DHRSX: variants seen among roughly 807,000 people sequenced by gnomAD.
The protein encoded by DHRSX is polyprenol dehydrogenase.
Under a neutral mutation model 34.0 loss-of-function variants are expected in DHRSX, and 31 were observed. That is an observed-to-expected ratio of 0.91 (90% CI 0.69 to 1.23). DHRSX has a LOEUF of 1.23. Among genes scored for constraint, DHRSX ranks in the 50% most tolerant of loss-of-function variants. The pLI is 0.00. For missense variants in DHRSX, 414 were observed against 428.1 expected (o/e 0.97, Z 0.29); for synonymous variants, 201 against 183.8 (o/e 1.09, Z -0.76).
chrX:2,298,985 C>CAAAAAAAAA (rs1162323678), intron 3 of DHRSX, among the ~76,000 whole-genome samples: 3 of 88,536 alleles, frequency 3.4e-5, no homozygotes, highest in Admixed American at 1.3e-4. Context: ...AACTCTGTCT[C>CAAAAAAAAA]AAAAAAAAAA....
intron 3 of DHRSX, among the ~76,000 whole-genome samples, chrX:2,331,303 C>T (rs945052563): frequency 2.6e-5 from 4 of 152,034 alleles, no homozygotes; most frequent in Non-Finnish European, 5.9e-5. Flanking sequence ...TGAACCCCCT[C>T]AATGTCATTC....
At chrX:2,406,955 T>C (rs1410155720) in intron 3 of DHRSX, among the ~76,000 whole-genome samples, 1 of 152,198 alleles carries the variant, frequency 6.6e-6, no homozygotes, top group Non-Finnish European at 1.5e-5. Flanking sequence ...ATCAAAGAGA[T>C]GCCTGCATTC....
At chrX:2,454,667 C>T (rs1421910659) in intron 1 of DHRSX, among the ~76,000 whole-genome samples, 1 of 152,050 alleles carries the variant, frequency 6.6e-6, no homozygotes, top group African/African-American at 2.4e-5. Context: ...GGAATGACTC[C>T]ACGGTTTCCC....
Position 2,488,743 on chromosome X carries a change from G to A in DHRSX, c.109+12074C>T, listed in dbSNP as rs756503818. 74 of 1,613,752 alleles carry A rather than the reference G, an allele frequency of 4.6e-5. No homozygotes were observed. The East Asian group carries it at 8.5e-4, about 18-fold the overall frequency. ...CCCACTCCCCCTCGTCCTGGTCCTC[G>A]GGTTCCGCCTCTGCCCCACTCCGGG... is the stretch of plus-strand genomic sequence containing the variant. On this transcript the variant is annotated intron_variant, in intron 1 of 6. Coordinates refer to ENST00000334651, the MANE Select transcript of DHRSX (RefSeq NM_145177.3).
At chrX:2,381,797 C>CA (rs767319246) in intron 3 of DHRSX, among the ~76,000 whole-genome samples, 23,574 of 80,524 alleles carry the variant, frequency 0.29, 2,851 homozygotes, top group Admixed American at 0.36. Context: ...AAGCCACAAC[C>CA]AAAAAAAAAA....
chrX:2,293,999 G>GA (rs2041898376), intron 3 of DHRSX, among the ~76,000 whole-genome samples: 1 of 152,006 alleles, frequency 6.6e-6, no homozygotes, highest in Non-Finnish European at 1.5e-5. Flanking sequence ...CCATCAGAGA[G>GA]AGAGAAGAGA....
At chrX:2,438,553 C>A (rs2044024491) in intron 1 of DHRSX, among the ~76,000 whole-genome samples, 2 of 151,314 alleles carry the variant, frequency 1.3e-5, no homozygotes. Flanking sequence ...CGCCTGTAAT[C>A]CTGCCTCAGG....
intron 3 of DHRSX, among the ~76,000 whole-genome samples, chrX:2,399,735 AAAAAAAAC>A (rs1390285019): frequency 3.5e-5 from 5 of 142,446 alleles, no homozygotes; most frequent in African/African-American, 8.0e-5. Context: ...CAAAAAAAAA[AAAAAAAAC>A]AAAAAAACAC....
chrX:2,432,925 C>A (rs969582058), intron 1 of DHRSX, among the ~76,000 whole-genome samples: 2 of 152,030 alleles, frequency 1.3e-5, no homozygotes, highest in Admixed American at 6.6e-5. Context: ...AAGCTCAGGA[C>A]CAGCCTGGGA....
intron 1 of DHRSX, among the ~76,000 whole-genome samples, chrX:2,438,100 C>T (rs1346720510): frequency 6.7e-6 from 1 of 149,362 alleles, no homozygotes; most frequent in African/African-American, 2.5e-5. Context: ...TCGCTTGAAC[C>T]CGGGAGGTGG....
intron 3 of DHRSX, among the ~76,000 whole-genome samples, chrX:2,304,591 T>C (rs1467783983): frequency 6.6e-6 from 1 of 151,920 alleles, no homozygotes; most frequent in Non-Finnish European, 1.5e-5. Context: ...GTGTGTAGCA[T>C]CTCCCCAGCC....
chrX:2,298,618 A>ACACACACACACGCACGCACACGCACGCG (rs2041969885), intron 3 of DHRSX, among the ~76,000 whole-genome samples: 5 of 135,436 alleles, frequency 3.7e-5, no homozygotes, highest in African/African-American at 1.5e-4. Flanking sequence ...ACACACACAC[A>ACACACACACACGCACGCACACGCACGCG]CACACACACA....
chrX:2,421,294 C>T (rs1378171171), intron 2 of DHRSX, among the ~76,000 whole-genome samples: 2 of 152,048 alleles, frequency 1.3e-5, no homozygotes, highest in Admixed American at 6.6e-5. Flanking sequence ...GTGGGAGGAT[C>T]GCTTGAGCCC....
chrX:2,451,915 G>C (rs183488113), intron 1 of DHRSX, among the ~76,000 whole-genome samples: 13,729 of 151,724 alleles, frequency 0.09, 812 homozygotes, highest in East Asian at 0.2. Context: ...CGTTCCCTAG[G>C]CATGTGGCTA....
At chrX:2,331,436 G>GTTTGTTTTT (rs2042471952) in intron 3 of DHRSX, among the ~76,000 whole-genome samples, 1 of 94,658 alleles carries the variant, frequency 1.1e-5, no homozygotes. Context: ...AGGTTTTTTG[G>GTTTGTTTTT]TTTTTTTTTT....
intron 3 of DHRSX, among the ~76,000 whole-genome samples, chrX:2,313,802 G>C (rs2042193142): frequency 6.6e-6 from 1 of 152,104 alleles, no homozygotes; most frequent in Admixed American, 6.6e-5. Context: ...CCAGGTGGTC[G>C]GGGTGCAGCT....
chrX:2,340,549 G>A lies in DHRSX; in HGVS notation c.287-48946C>T, dbSNP rs149770797. Among the ~76,000 whole-genome samples, 975 of 151,992 alleles carry A rather than the reference G, an allele frequency of 6.4e-3. 26 individuals are homozygous for A. The highest frequency in any genetic ancestry group is 0.056 in the East Asian group (290 of 5,176). On this transcript the variant is annotated intron_variant, in intron 3 of 6. Transcript: ENST00000334651. ...AATGTCCATCAAGGTACATACACAC[G>A]TTCACGGACATTATTGCCTGTGGAC...
chrX:2,482,321 G>A (rs968055214), intron 1 of DHRSX, among the ~76,000 whole-genome samples: 4 of 151,938 alleles, frequency 2.6e-5, no homozygotes, highest in Non-Finnish European at 5.9e-5. Context: ...TAGAGACAAG[G>A]TCTCAGTATG....
intron 1 of DHRSX, among the ~76,000 whole-genome samples, chrX:2,448,472 G>C (rs28622956): frequency 0.62 from 92,690 of 148,352 alleles, 30,606 homozygotes; most frequent in African/African-American, 0.85. Flanking sequence ...TACATATTCT[G>C]ACCACAAAAA....
Sources: gnomAD v4.1 joint callset for allele counts (sites outside exome capture counted in the v4.1 genomes callset) on GRCh38, gnomAD v4.1.1 for gene constraint, MANE v1.5 for transcripts, NCBI Gene and HGNC (gene_info 2026-07-23, HGNC 2026-07-21) for gene names.